Variants in MAPK10 observed in about 807,000 individuals in gnomAD.
MAPK10 encodes the protein JNK3 alpha protein kinase.
Under a neutral mutation model 59.3 loss-of-function variants are expected in MAPK10, and 25 were observed. The observed-to-expected ratio is 0.42, with a 90% CI of 0.31 to 0.59. The LOEUF is 0.59. Among genes scored for constraint, MAPK10 ranks in the 20% least tolerant of loss-of-function variants. The probability of loss-of-function intolerance (pLI) is 0.15; values close to 1 mark genes in which losing one functional copy is unlikely to be tolerated. For missense variants in MAPK10, 351 were observed against 568.9 expected, an observed-to-expected ratio of 0.62 and a Z score of 3.90; for synonymous variants, 190 against 200.5, an observed-to-expected ratio of 0.95 and a Z score of 0.44.
At chr4:86,413,596 C>T (rs1486878323) in intron 1 of MAPK10, among the ~76,000 whole-genome samples, 2 of 152,088 alleles carry the variant, frequency 1.3e-5, no homozygotes, top group African/African-American at 4.8e-5. Flanking sequence ...TTTGTTTACA[C>T]TGTGAGCTAT....
chr4:86,223,160 C>G (rs761847147), intron 2 of MAPK10, among the ~76,000 whole-genome samples: 12 of 152,064 alleles, frequency 7.9e-5, no homozygotes, highest in African/African-American at 1.2e-4. Context: ...TACTTTTTAC[C>G]AAATTTTAAA....
At chr4:86,077,425 A>T (rs2049728027) in intron 9 of MAPK10, among the ~76,000 whole-genome samples, 1 of 152,198 alleles carries the variant, frequency 6.6e-6, no homozygotes, top group Admixed American at 6.5e-5. Context: ...CCCTTATAAG[A>T]CTAATCCTTT....
intron 2 of MAPK10, among the ~76,000 whole-genome samples, chr4:86,235,040 T>C (rs1424557683): frequency 1.3e-5 from 2 of 152,104 alleles, no homozygotes; most frequent in African/African-American, 2.4e-5. Context: ...AGATAAATCA[T>C]ATTATTTGTA....
intron 1 of MAPK10, among the ~76,000 whole-genome samples, chr4:86,359,282 C>G (rs1383285564): frequency 2.2e-5 from 3 of 137,094 alleles, no homozygotes; most frequent in African/African-American, 8.7e-5. Flanking sequence ...CTCTCTCTCT[C>G]TCTCTCTGTG....
intron 2 of MAPK10, among the ~76,000 whole-genome samples, chr4:86,316,976 G>A (rs1444688388): frequency 1.3e-4 from 20 of 152,062 alleles, no homozygotes; most frequent in Admixed American, 1.3e-3. Flanking sequence ...CCATGTGCGA[G>A]CCTTACTAAA....
intron 2 of MAPK10, among the ~76,000 whole-genome samples, chr4:86,252,491 G>A (rs1199155503): frequency 4.9e-5 from 7 of 142,634 alleles, no homozygotes; most frequent in African/African-American, 8.5e-5. Context: ...GTAGGTATGC[G>A]GCGTTATTTC....
intron 1 of MAPK10, among the ~76,000 whole-genome samples, chr4:86,466,335 G>A (rs540929752): frequency 2.6e-5 from 4 of 152,250 alleles, no homozygotes; most frequent in Admixed American, 1.3e-4. Flanking sequence ...TGCATGCCAC[G>A]GCCACACTAT....
chr4:86,192,721 C>T (rs1220435709), intron 3 of MAPK10: 1 of 151,988 alleles, frequency 6.6e-6, no homozygotes, highest in East Asian at 1.9e-4. Flanking sequence ...TTAGAACATG[C>T]TCCTTTAGCT....
chr4:86,579,145 G>T (rs4277747), intron 1 of MAPK10, among the ~76,000 whole-genome samples: 33,842 of 152,060 alleles, frequency 0.22, 4,521 homozygotes, highest in Admixed American at 0.3. Context: ...TAGGAAGAAA[G>T]ATACAAAGTT....
At chr4:86,543,609 T>C (rs898023204) in intron 1 of MAPK10, among the ~76,000 whole-genome samples, 6 of 152,184 alleles carry the variant, frequency 3.9e-5, no homozygotes, top group Admixed American at 3.9e-4. Flanking sequence ...GACTGGGTAA[T>C]CTATTCTAAG....
intron 9 of MAPK10, among the ~76,000 whole-genome samples, chr4:86,078,086 C>T (rs1043016968): frequency 9.9e-5 from 15 of 152,156 alleles, no homozygotes; most frequent in African/African-American, 3.6e-4. Context: ...TCTGAGTCCA[C>T]AGGTCTGGGC....
intron 9 of MAPK10, among the ~76,000 whole-genome samples, chr4:86,073,432 C>A (rs1221551097): frequency 6.8e-6 from 1 of 147,876 alleles, no homozygotes; most frequent in African/African-American, 2.4e-5. Context: ...TTGCCTTCTG[C>A]TAGCTTTTGA....
intron 2 of MAPK10, chr4:86,326,679 C>T (rs984882782): frequency 2.0e-5 from 3 of 152,192 alleles, no homozygotes; most frequent in Non-Finnish European, 2.9e-5. Context: ...GTCCATATCT[C>T]TTTTCACTGT....
intron 1 of MAPK10, among the ~76,000 whole-genome samples, chr4:86,418,424 C>T (rs111954249): frequency 6.6e-6 from 1 of 152,092 alleles, no homozygotes; most frequent in Admixed American, 6.6e-5. Context: ...ATTAAAAGTT[C>T]ATTAAAGATT....
chr4:86,042,988 GA>G (rs2148943954), intron 11 of MAPK10, among the ~76,000 whole-genome samples: 1 of 152,268 alleles, frequency 6.6e-6, no homozygotes, highest in East Asian at 1.9e-4. Flanking sequence ...GTAGTGCCAT[GA>G]ATTGGAAGGA....
chr4:86,476,497 C>T (rs1003049258), intron 1 of MAPK10, among the ~76,000 whole-genome samples: 10 of 152,256 alleles, frequency 6.6e-5, no homozygotes, highest in African/African-American at 2.4e-4. Context: ...AAACCCAGCC[C>T]AGTTCATGGC....
chr4:86,063,580 T>C (rs1276958545), intron 11 of MAPK10, among the ~76,000 whole-genome samples: 1 of 152,080 alleles, frequency 6.6e-6, no homozygotes, highest in Admixed American at 6.5e-5. Flanking sequence ...TGCTCAGCCC[T>C]GGATCCATAC....
chr4:86,511,699 A>G (rs540706712), intron 1 of MAPK10, among the ~76,000 whole-genome samples: 8 of 145,846 alleles, frequency 5.5e-5, no homozygotes, highest in East Asian at 2.2e-4. Context: ...GAAGAAGAAG[A>G]AGGAGGAGGA....
chr4:86,485,403 C>A (rs1268690466), intron 1 of MAPK10, among the ~76,000 whole-genome samples: 2 of 152,154 alleles, frequency 1.3e-5, no homozygotes, highest in Non-Finnish European at 2.9e-5. Flanking sequence ...GGAACATATC[C>A]TTTTTCAGTT....
Sources: allele counts gnomAD v4.1 joint callset (sites outside exome capture counted in the v4.1 genomes callset), GRCh38; gene constraint gnomAD v4.1.1; transcripts MANE v1.5; gene names NCBI Gene and HGNC (gene_info 2026-07-23, HGNC 2026-07-21).